Variants in PTPRT observed in about 807,000 individuals in gnomAD.
PTPRT encodes receptor-type tyrosine-protein phosphatase T.
In PTPRT, 56 loss-of-function variants were observed where a neutral mutation model predicts 176.8. That is an observed-to-expected ratio of 0.32 (90% CI 0.26 to 0.40). PTPRT has a LOEUF of 0.40. Among genes scored for constraint, PTPRT ranks in the 10% least tolerant of loss-of-function variants. PTPRT has a pLI of 1.00. For missense variants in PTPRT, 1,540 were observed against 1,908.2 expected (o/e 0.81, Z 3.60); for synonymous variants, 783 against 739.0 (o/e 1.06, Z -0.96).
At chr20:42,680,247 G>A (rs747814275) in intron 6 of PTPRT, among the ~76,000 whole-genome samples, 1 of 152,096 alleles carries the variant, frequency 6.6e-6, no homozygotes, top group Non-Finnish European at 1.5e-5. Flanking sequence ...AGTGTGACTC[G>A]AAGCAAATCT....
intron 1 of PTPRT, among the ~76,000 whole-genome samples, chr20:43,165,414 C>T (rs1483937117): frequency 6.6e-6 from 1 of 152,110 alleles, no homozygotes; most frequent in African/African-American, 2.4e-5. Context: ...CCACCCGACT[C>T]GGCCTCCCAA....
the PTPRT span, among the ~76,000 whole-genome samples, chr20:42,052,909 A>C: frequency 1.6e-4 from 24 of 152,258 alleles, no homozygotes; most frequent in Non-Finnish European, 2.2e-4. Flanking sequence ...CATAAATTAG[A>C]GCAGCAATTG....
the PTPRT span, among the ~76,000 whole-genome samples, chr20:42,045,373 G>A: frequency 6.6e-6 from 1 of 151,864 alleles, no homozygotes; most frequent in African/African-American, 2.4e-5. Context: ...GTGGCTCCCT[G>A]AAGGGAAAAT....
chr20:42,792,506 C>T lies in PTPRT; in HGVS notation c.215-1040G>A, dbSNP rs150328664. On this transcript the variant is annotated intron_variant, in intron 2 of 30. Transcript: ENST00000373187. Reference sequence around the variant, plus strand: ...CACCAAAGCAGGTGGCAAAACAGAGCCTAGACAAATTAAAGAGATGATTAA... The same window carrying T: ...CACCAAAGCAGGTGGCAAAACAGAGTCTAGACAAATTAAAGAGATGATTAA... Among the ~76,000 whole-genome samples, 8 of 152,124 alleles carry T rather than the reference C, an allele frequency of 5.3e-5. No homozygotes were observed. In the East Asian group the frequency reaches 1.5e-3, roughly 29 times the overall value.
intron 2 of PTPRT, among the ~76,000 whole-genome samples, chr20:42,809,016 G>A (rs556368878): frequency 4.7e-4 from 71 of 152,296 alleles, no homozygotes; most frequent in African/African-American, 1.5e-3. Flanking sequence ...TCTGGGAAAC[G>A]TGGCTTCTGG....
chr20:43,105,959 T>C (rs1312287365), intron 1 of PTPRT, among the ~76,000 whole-genome samples: 3 of 152,042 alleles, frequency 2.0e-5, no homozygotes, highest in Non-Finnish European at 2.9e-5. Flanking sequence ...TGTCAAGGAA[T>C]GGTGTGCACT....
intron 6 of PTPRT, among the ~76,000 whole-genome samples, chr20:42,684,408 G>A (rs2075656960): frequency 6.6e-6 from 1 of 152,052 alleles, no homozygotes; most frequent in Non-Finnish European, 1.5e-5. Context: ...ATAAATATCT[G>A]ATGTCTTACT....
intron 1 of PTPRT, among the ~76,000 whole-genome samples, chr20:42,900,176 G>A (rs1283418157): frequency 1.3e-5 from 2 of 150,844 alleles, no homozygotes; most frequent in African/African-American, 5.0e-5. Context: ...GAGAGTCACA[G>A]ACTAGCAGGT....
At chr20:42,317,476 A>G (rs1410636131) in intron 11 of PTPRT, among the ~76,000 whole-genome samples, 1 of 152,176 alleles carries the variant, frequency 6.6e-6, no homozygotes, top group Admixed American at 6.5e-5. Context: ...GATTGCCCAA[A>G]GAGTACCCAC....
At chr20:42,485,910 C>T (rs116617266) in intron 7 of PTPRT, among the ~76,000 whole-genome samples, 4 of 152,114 alleles carry the variant, frequency 2.6e-5, no homozygotes, top group Non-Finnish European at 5.9e-5. Context: ...TATTTTCTGT[C>T]GAATCTCATT....
chr20:43,054,277 G>T (rs576930427), intron 1 of PTPRT, among the ~76,000 whole-genome samples: 254 of 152,286 alleles, frequency 1.7e-3, no homozygotes, highest in African/African-American at 5.8e-3. Context: ...TTCCCAGCCA[G>T]GCACAATGGC....
At chr20:42,771,670 G>C in intron 4 of PTPRT, 120 bp from the exon 5 acceptor site, 1 of 737,160 alleles carries the variant, frequency 1.4e-6, no homozygotes, top group Non-Finnish European at 2.4e-6. Context: ...TTAAGAAGTA[G>C]CCCGGCTCAG....
rs58932390 is a variant in PTPRT, at chr20:42,409,481, C to CAAAAAAAA, written c.1560+38731_1560+38738dup. Among the ~76,000 whole-genome samples the CAAAAAAAA allele has an allele frequency of 2.6e-4, 29 of 112,164 alleles. 1 individual carries two copies. The highest frequency in any genetic ancestry group is 8.7e-4 in the African/African-American group (24 of 27,464). The allele number at this position is 112,164 out of a possible 152,430, so 73.6% of individuals were successfully genotyped here. The stretch of plus-strand genomic sequence containing the variant: ...TGGGCAACAGAACGAGACTCTGTCG[C>CAAAAAAAA]AAAAAAAAAAAAAAAAAAAAAAAAA... On this transcript the variant is annotated intron_variant, in intron 9 of 30. Coordinates refer to ENST00000373187, the MANE Select transcript of PTPRT (RefSeq NM_007050.6).
intron 19 of PTPRT, among the ~76,000 whole-genome samples, chr20:42,121,878 G>A (rs2092277): frequency 0.25 from 37,363 of 151,668 alleles, 4,866 homozygotes; most frequent in Non-Finnish European, 0.28. Flanking sequence ...ACATGGATGG[G>A]CCTGGAGGCC....
chr20:42,040,327 G>A, the PTPRT span, among the ~76,000 whole-genome samples: 4 of 152,132 alleles, frequency 2.6e-5, no homozygotes, highest in African/African-American at 7.2e-5. Context: ...GGAGAAGGAG[G>A]TTAGATTGCT....
At chr20:42,463,478 G>A (rs2071055042) in intron 8 of PTPRT, among the ~76,000 whole-genome samples, 1 of 152,106 alleles carries the variant, frequency 6.6e-6, no homozygotes. Flanking sequence ...TAAATTCACT[G>A]TAATTAAACC....
chr20:42,898,626 T>G (rs2079344901), intron 1 of PTPRT, among the ~76,000 whole-genome samples: 1 of 152,138 alleles, frequency 6.6e-6, no homozygotes, highest in Non-Finnish European at 1.5e-5. Flanking sequence ...GAGCCTCTGT[T>G]CAGACCATCT....
chr20:42,953,929 G>A (rs1002860974), intron 1 of PTPRT, among the ~76,000 whole-genome samples: 1 of 152,104 alleles, frequency 6.6e-6, no homozygotes, highest in Non-Finnish European at 1.5e-5. Flanking sequence ...TCCCCAGAAT[G>A]GCCATATATC....
chr20:42,067,339 T>C, the PTPRT span, among the ~76,000 whole-genome samples: 1 of 152,138 alleles, frequency 6.6e-6, no homozygotes, highest in African/African-American at 2.4e-5. Flanking sequence ...CCCCATCTGT[T>C]TTCCTGTCAC....
Sources: gnomAD v4.1 joint callset for allele counts (sites outside exome capture counted in the v4.1 genomes callset) on GRCh38, gnomAD v4.1.1 for gene constraint, MANE v1.5 for transcripts, NCBI Gene and HGNC (gene_info 2026-07-23, HGNC 2026-07-21) for gene names.